The following AATK variants were observed in gnomAD, a reference collection of about 807,000 sequenced individuals.
The protein encoded by AATK is lemur tail kinase 1.
AATK carries 91 observed loss-of-function variants against 114.3 expected under a neutral mutation model. The ratio of observed to expected loss-of-function variants is 0.80; its 90% CI spans 0.67 to 0.95. The LOEUF (loss-of-function observed/expected upper bound fraction) is 0.95, where lower values mean the gene tolerates loss of function less well. AATK is among the 40% of genes least tolerant of loss of function. AATK has a pLI of 0.00. For missense variants in AATK, 2,176 were observed against 1,965.2 expected (o/e 1.11, Z -2.03); for synonymous variants, 1,075 against 916.5 (o/e 1.17, Z -3.12).
chr17:81,132,665 G>A (rs772139549), intron 2 of AATK: 4 of 315,980 alleles, frequency 1.3e-5, no homozygotes, highest in Middle Eastern at 4.0e-4. Context: ...CCTGCTGCCC[G>A]GGGGCCAGCC....
chr17:81,142,883 G>A (rs972259661), intron 1 of AATK, among the ~76,000 whole-genome samples: 3 of 151,558 alleles, frequency 2.0e-5, no homozygotes, highest in East Asian at 2.0e-4. Context: ...TGACCCTCAC[G>A]CCCACCAGGT....
rs1179344874 is a variant in AATK, at chr17:81,119,100, G to A, written c.4084+280C>T. Among the ~76,000 whole-genome samples, 3 of 152,094 alleles carry A rather than the reference G, an allele frequency of 2.0e-5. No individual in the cohort carries two copies. In the East Asian group the frequency reaches 5.8e-4, roughly 29 times the overall value. On this transcript the variant is annotated intron_variant, in intron 13 of 13. Coordinates refer to ENST00000326724, the MANE Select transcript of AATK (RefSeq NM_001080395.3). ...GCCTGCCGCAGGTCTGCGGGGTAGGGTCAGGCAGAGGAGAGCCGAGTGCAG... is the reference window on the plus strand; with the variant it reads ...GCCTGCCGCAGGTCTGCGGGGTAGGATCAGGCAGAGGAGAGCCGAGTGCAG...
chr17:81,122,440 G>A lies in AATK; in HGVS notation c.1496C>T (p.Thr499Ile), dbSNP rs953571091. The A allele has an allele frequency of 2.0e-4, 289 of 1,454,724 alleles. No homozygotes were observed. Among genetic ancestry groups the A allele is most frequent in the Admixed American group, 2.7e-4 (11 of 41,246 alleles). The allele number at this position is 1,454,724 out of a possible 1,614,324, so 90.1% of individuals were successfully genotyped here. A position where few individuals can be genotyped will look rare whatever the true frequency, so the allele number is the denominator to read the frequency against. The change falls in exon 11 of 14, where the codon ACC becomes ATC. Residue 499 changes from threonine (T) to isoleucine (I), a missense_variant. By Grantham distance (89) the Thr-to-Ile change is moderately conservative. Coordinates refer to ENST00000326724, the MANE Select transcript of AATK (RefSeq NM_001080395.3). ...AFPATLSPGR[T>I]ARLQELCAPD... ...GGCGCACAGCTCCTGCAGGCGTGCG[G>A]TGCGGCCAGGGCTCAGCGTGGCCGG...
chr17:81,122,322 T>C lies in AATK; in HGVS notation c.1614A>G (p.Ala538=). ...AGTCAGGGTCGTGGCCGGCGGCGGGTGCGGCCTCCTCTAGGCGGATGAAGT... is the reference window on the plus strand; with the variant it reads ...AGTCAGGGTCGTGGCCGGCGGCGGGCGCGGCCTCCTCTAGGCGGATGAAGT... ...SEYFIRLEEA[A]PAAGHDPDCA... Residue 538 remains alanine, a synonymous_variant, in exon 11 of 14, where the codon GCA becomes GCG. Transcript: ENST00000326724. The C allele has an allele frequency of 6.6e-7, 1 of 1,509,650 alleles. No homozygotes were observed. Among genetic ancestry groups the C allele is most frequent in the African/African-American group, 1.4e-5 (1 of 70,286 alleles). 93.5% of individuals were successfully genotyped at this position (1,509,650 alleles called of 1,614,324 possible). A position where few individuals can be genotyped will look rare whatever the true frequency, so the allele number is the denominator to read the frequency against.
intron 1 of AATK, chr17:81,160,144 C>A (rs1473707536): frequency 1.0e-5 from 6 of 584,852 alleles, no homozygotes; most frequent in Non-Finnish European, 1.3e-5. Flanking sequence ...CTGGCAGGGT[C>A]CCTGCAGGAG....
intron 3 of AATK, among the ~76,000 whole-genome samples, chr17:81,130,420 C>T (rs537404298): frequency 8.1e-4 from 123 of 152,288 alleles, no homozygotes; most frequent in South Asian, 1.4e-3. Context: ...TGTGAGTGGT[C>T]GGCCTAGGAC....
At position 81,126,414 on chromosome 17, in the gene AATK, C is replaced by CA. The variant is rs761250398; in HGVS notation, c.755+12_755+13insT. ...CTAGGGCTTCCCGGCCGCTGGCCCG[C>CA]GCCCGCCCTCACCTGTGCACGAAAT... On this transcript the variant is annotated intron_variant, in intron 7 of 13. Coordinates refer to ENST00000326724, the MANE Select transcript of AATK (RefSeq NM_001080395.3). This position sits in a 1 kb window ranked among gnomAD's most constrained non-coding sequence, Gnocchi z 5.1. 1.1e-5 allele frequency: 17 copies of CA among 1,553,318 alleles called. No individual in the cohort carries two copies. Among genetic ancestry groups the CA allele is most frequent in the Non-Finnish European group, 1.5e-5 (17 of 1,148,124 alleles).
rs775482287 is a variant in AATK, at chr17:81,121,489, G to A, written c.2447C>T (p.Ala816Val). Residue 816 changes from alanine to valine, a missense_variant, in exon 11 of 14, where the codon GCC becomes GTC. This residue lies in a region of AATK where 1,701 missense variants were observed against 1,394.7 expected (regional missense o/e 1.22). Coordinates refer to ENST00000326724, the MANE Select transcript of AATK (RefSeq NM_001080395.3). ...AGGCAGGGCATCAGGGGCGTCGGGG[G>A]CACTGGCCTCCTCCGAGGGAAGTGG... ...GAPLPSEEAS[A>V]PDAPDALPDS... The A allele has an allele frequency of 1.9e-6, 3 of 1,565,100 alleles. No homozygotes were observed. The highest frequency in any genetic ancestry group is 1.2e-5 in the South Asian group (1 of 83,482).
At chr17:81,125,365 CT>C (rs1255982211) in intron 7 of AATK, 1 of 631,484 alleles carries the variant, frequency 1.6e-6, no homozygotes, top group Non-Finnish European at 3.1e-6. Context: ...CCTCCTAGCT[CT>C]ACTACACTAT....
intron 1 of AATK, chr17:81,165,491 C>T: frequency 4.1e-6 from 2 of 489,712 alleles, no homozygotes; most frequent in Non-Finnish European, 6.8e-6. Flanking sequence ...CTGCTGGTGG[C>T]TGGGCAGGGC....
intron 3 of AATK, among the ~76,000 whole-genome samples, chr17:81,130,798 G>A (rs925936867): frequency 1.5e-4 from 23 of 151,728 alleles, no homozygotes; most frequent in Middle Eastern, 3.4e-3. Context: ...GCTGGAGGCC[G>A]AGGGCTGTCC....
At chr17:81,140,301 T>TC (rs1332808450) in intron 1 of AATK, among the ~76,000 whole-genome samples, 1 of 152,190 alleles carries the variant, frequency 6.6e-6, no homozygotes, top group Non-Finnish European at 1.5e-5. Context: ...ACACTATCAT[T>TC]CCCATTTATT....
At chr17:81,162,269 C>G (rs548938890) in intron 1 of AATK, among the ~76,000 whole-genome samples, 14 of 151,920 alleles carry the variant, frequency 9.2e-5, no homozygotes, top group African/African-American at 2.2e-4. Context: ...CTAAGGGTCT[C>G]GGTGGGAGAC....
intron 1 of AATK, among the ~76,000 whole-genome samples, chr17:81,148,725 C>T (rs572236850): frequency 1.3e-5 from 2 of 152,200 alleles, no homozygotes; most frequent in East Asian, 1.9e-4. Context: ...CACACACACA[C>T]GTGCTCTCAG....
intron 1 of AATK, among the ~76,000 whole-genome samples, chr17:81,164,277 C>T (rs1245422564): frequency 6.6e-6 from 1 of 152,160 alleles, no homozygotes; most frequent in Non-Finnish European, 1.5e-5. Flanking sequence ...GCAGGAGACC[C>T]CTCTCTCCTC....
At chr17:81,128,639 C>T (rs2060884688) in intron 3 of AATK, 90 bp from the exon 4 acceptor site, 2 of 1,532,250 alleles carry the variant, frequency 1.3e-6, no homozygotes, top group African/African-American at 1.4e-5. Context: ...GCCCGCTTGG[C>T]CTTTTCTGGG....
At chr17:81,134,703 C>T (rs961309428) in intron 1 of AATK, among the ~76,000 whole-genome samples, 2 of 152,358 alleles carry the variant, frequency 1.3e-5, no homozygotes, top group African/African-American at 2.4e-5. Context: ...AGCCACTGGA[C>T]ACCACCCTGG....
At chr17:81,163,152 C>T (rs2859612) in intron 1 of AATK, among the ~76,000 whole-genome samples, 60 of 152,186 alleles carry the variant, frequency 3.9e-4, no homozygotes, top group Middle Eastern at 3.4e-3. Flanking sequence ...AGGCTGAGCG[C>T]GCCTCTCCAG....
At chr17:81,129,819 G>T (rs968424349) in intron 3 of AATK, among the ~76,000 whole-genome samples, 2 of 152,200 alleles carry the variant, frequency 1.3e-5, no homozygotes, top group African/African-American at 4.8e-5. Flanking sequence ...CATCCGGGAA[G>T]GTCCGAGGGC....
Sources: gnomAD v4.1 joint callset for allele counts (sites outside exome capture counted in the v4.1 genomes callset) on GRCh38, gnomAD v4.1.1 for gene constraint, gnomAD v4.1.1 regional missense constraint, Gnocchi (gnomAD v3.1) non-coding constraint, MANE v1.5 for transcripts, NCBI Gene and HGNC (gene_info 2026-07-23, HGNC 2026-07-21) for gene names.